The following FMN1 variants were observed in gnomAD, a reference collection of about 807,000 sequenced individuals.
FMN1 encodes formin-1.
In FMN1, 110 loss-of-function variants were observed where a neutral mutation model predicts 132.4. The observed-to-expected ratio is 0.83, with a 90% CI of 0.71 to 0.97. The LOEUF (loss-of-function observed/expected upper bound fraction) is 0.97. FMN1 is among the 50% of genes least tolerant of loss of function. FMN1 has a pLI of 0.00. For synonymous variants in FMN1, 722 were observed against 651.7 expected (o/e 1.11, Z -1.64); for missense variants, 1,792 against 1,705.3 (o/e 1.05, Z -0.90).
intron 10 of FMN1, among the ~76,000 whole-genome samples, chr15:32,916,614 T>C (rs994849303): frequency 1.3e-5 from 2 of 152,298 alleles, no homozygotes; most frequent in Admixed American, 6.5e-5. Flanking sequence ...GATTTGTACG[T>C]AGCCTGTTTT....
rs376539471 is a variant in FMN1 at position 33,003,828 on chromosome 15, T to A, written c.2223+4186A>T. ...GCTACAGTAACCAAAACAGCATGGTTCTGGTACCAAAACAGAGATATAGAT... is the reference window on the plus strand; with the variant it reads ...GCTACAGTAACCAAAACAGCATGGTACTGGTACCAAAACAGAGATATAGAT... On this transcript the variant is annotated intron_variant, in intron 7 of 20. Transcript: ENST00000616417. 8.5e-5 allele frequency among the ~76,000 whole-genome samples: 13 copies of A among 152,232 alleles called. No individual in the cohort carries two copies. In the South Asian group the frequency reaches 1.7e-3, roughly 19 times the overall value.
intron 16 of FMN1, among the ~76,000 whole-genome samples, chr15:32,880,267 T>C (rs1008504832): frequency 3.9e-5 from 6 of 152,190 alleles, no homozygotes; most frequent in African/African-American, 1.4e-4. Context: ...GCACATTTCC[T>C]CTTTCTCTCA....
chr15:32,935,614 C>G (rs2061246550), intron 9 of FMN1, among the ~76,000 whole-genome samples: 1 of 151,884 alleles, frequency 6.6e-6, no homozygotes, highest in Admixed American at 6.6e-5. Flanking sequence ...TTCCATACAT[C>G]CCTTAGACTT....
At chr15:33,166,683 C>T (rs892148054) in intron 3 of FMN1, among the ~76,000 whole-genome samples, 1 of 152,156 alleles carries the variant, frequency 6.6e-6, no homozygotes. Context: ...TAGAGTTTTA[C>T]AAACTCTTCT....
intron 16 of FMN1, among the ~76,000 whole-genome samples, chr15:32,873,326 A>T (rs979938838): frequency 1.3e-5 from 2 of 152,206 alleles, no homozygotes; most frequent in African/African-American, 4.8e-5. Flanking sequence ...AATATCAGAA[A>T]CAGTTTAGAG....
chr15:32,813,569 T>C (rs2057958877), intron 17 of FMN1, among the ~76,000 whole-genome samples: 2 of 152,242 alleles, frequency 1.3e-5, no homozygotes, highest in South Asian at 4.1e-4. Context: ...ATTTGATTTG[T>C]GGCTGATATT....
intron 7 of FMN1, among the ~76,000 whole-genome samples, chr15:32,977,096 CATA>C (rs1426392776): frequency 1.3e-5 from 2 of 152,180 alleles, no homozygotes; most frequent in Non-Finnish European, 1.5e-5. Flanking sequence ...AATACTAACT[CATA>C]ATAATTAATT....
intron 9 of FMN1, among the ~76,000 whole-genome samples, chr15:32,926,700 G>C (rs1239646821): frequency 6.6e-6 from 1 of 152,202 alleles, no homozygotes; most frequent in Non-Finnish European, 1.5e-5. Context: ...AGCATGAACA[G>C]CTGAGTCAGC....
At chr15:33,058,618 T>C (rs74005300) in intron 6 of FMN1, among the ~76,000 whole-genome samples, 3,182 of 152,308 alleles carry the variant, frequency 0.021, 115 homozygotes, top group African/African-American at 0.073. Flanking sequence ...CTTTGATTCC[T>C]ATTTGAGGAA....
intron 6 of FMN1, 85 bp downstream of exon 6, chr15:33,064,872 A>C: frequency 1.1e-6 from 1 of 932,954 alleles, no homozygotes. Flanking sequence ...ATAAAACCCC[A>C]AATTCTGAGA....
chr15:33,067,739 T>G, intron 5 of FMN1: 1 of 1,614,040 alleles, frequency 6.2e-7, no homozygotes, highest in Non-Finnish European at 8.5e-7. Flanking sequence ...CTCTTCTGGA[T>G]TCACAGATTC....
chr15:32,936,938 C>G (rs1030267111), intron 9 of FMN1, among the ~76,000 whole-genome samples: 7 of 152,172 alleles, frequency 4.6e-5, no homozygotes, highest in African/African-American at 1.4e-4. Flanking sequence ...TTTTTGTTCT[C>G]AGCAGTCTCC....
intron 5 of FMN1, among the ~76,000 whole-genome samples, chr15:33,069,907 T>C (rs565755699): frequency 6.8e-6 from 1 of 146,784 alleles, no homozygotes; most frequent in Admixed American, 6.9e-5. Flanking sequence ...CTAGAGGAAA[T>C]ACCCATTGAT....
intron 14 of FMN1, among the ~76,000 whole-genome samples, chr15:32,899,120 T>C (rs1035743923): frequency 2.6e-5 from 4 of 150,992 alleles, no homozygotes; most frequent in African/African-American, 9.8e-5. Context: ...AAACAGATAA[T>C]CCATAAAACT....
chr15:32,961,514 A>G (rs1036227054), intron 9 of FMN1, among the ~76,000 whole-genome samples: 1 of 152,166 alleles, frequency 6.6e-6, no homozygotes, highest in Non-Finnish European at 1.5e-5. Context: ...CAATAGCAAC[A>G]CAGAGTACTA....
intron 6 of FMN1, among the ~76,000 whole-genome samples, chr15:33,042,885 G>C (rs192434644): frequency 2.0e-5 from 3 of 151,952 alleles, no homozygotes; most frequent in Non-Finnish European, 4.4e-5. Flanking sequence ...TCCATGTCAT[G>C]GGATTCCATA....
chr15:32,944,545 T>C (rs2061464843), intron 9 of FMN1, among the ~76,000 whole-genome samples: 1 of 152,210 alleles, frequency 6.6e-6, no homozygotes, highest in East Asian at 1.9e-4. Context: ...GCCTTATTTT[T>C]GGGGACACAT....
chr15:32,916,237 GC>G (rs1230948073), intron 10 of FMN1, among the ~76,000 whole-genome samples: 2 of 152,174 alleles, frequency 1.3e-5, no homozygotes, highest in Non-Finnish European at 2.9e-5. Context: ...GTAAGAGATG[GC>G]TTTTCACAAG....
chr15:33,132,564 A>C (rs892619900), intron 4 of FMN1, among the ~76,000 whole-genome samples: 1 of 152,158 alleles, frequency 6.6e-6, no homozygotes, highest in Non-Finnish European at 1.5e-5. Context: ...TTGCAGTATT[A>C]ATATTATATG....
Sources: allele counts gnomAD v4.1 joint callset (sites outside exome capture counted in the v4.1 genomes callset), GRCh38; gene constraint gnomAD v4.1.1; transcripts MANE v1.5; gene names NCBI Gene and HGNC (gene_info 2026-07-23, HGNC 2026-07-21).